The following GLIS3 variants were observed in gnomAD, a reference collection of about 807,000 sequenced individuals.
GLIS3 encodes GLIS family zinc finger 3.
A neutral mutation model predicts 78.6 loss-of-function variants in GLIS3; 53 were observed. That is an observed-to-expected ratio of 0.67 (90% CI 0.54 to 0.85). The LOEUF (loss-of-function observed/expected upper bound fraction) is 0.85. GLIS3 is among the 40% of genes least tolerant of loss of function. The pLI, the probability that GLIS3 is intolerant of heterozygous loss-of-function variation, is 0.00. For synonymous variants in GLIS3, 684 were observed against 509.9 expected (o/e 1.34, Z -4.60); for missense variants, 1,703 against 1,231.1 (o/e 1.38, Z -5.74).
At chr9:3,946,101 C>T (rs1194089046) in intron 4 of GLIS3, among the ~76,000 whole-genome samples, 1 of 152,238 alleles carries the variant, frequency 6.6e-6, no homozygotes, top group African/African-American at 2.4e-5. Flanking sequence ...TGGAAGCCTT[C>T]CTTTAGGCTT....
At chr9:4,169,562 G>A (rs992562696) in intron 2 of GLIS3, among the ~76,000 whole-genome samples, 2 of 152,290 alleles carry the variant, frequency 1.3e-5, no homozygotes, top group Middle Eastern at 3.4e-3. Context: ...ACTCTCTAAG[G>A]TCTGTATATT....
At chr9:4,136,399 G>A (rs1472244592) in intron 2 of GLIS3, among the ~76,000 whole-genome samples, 1 of 152,178 alleles carries the variant, frequency 6.6e-6, no homozygotes, top group African/African-American at 2.4e-5. Context: ...TGACAATGAA[G>A]TTGGCCTCAT....
At position 3,881,797 on chromosome 9, in the gene GLIS3, G is replaced by A. The variant is rs537861581; in HGVS notation, c.2129-2202C>T. ...TGGGGAAACTGTAATTTAATGAAGG[G>A]AGCAGACCTCTATATATCGATTTTA... On this transcript the variant is annotated intron_variant, in intron 7 of 10. Coordinates refer to ENST00000381971, the MANE Select transcript of GLIS3 (RefSeq NM_001042413.2). 1.8e-3 allele frequency among the ~76,000 whole-genome samples: 280 copies of A among 152,248 alleles called. 1 individual carries two copies. Among genetic ancestry groups the A allele is most frequent in the African/African-American group, 6.4e-3 (267 of 41,532 alleles).
Position 4,118,072 on chromosome 9 carries a change from T to C in GLIS3, c.1406A>G (p.His469Arg). Residue 469 changes from histidine (H) to arginine (R), a missense_variant, in exon 4 of 11, where the codon CAC (histidine) becomes CGC (arginine). Coordinates refer to ENST00000381971, the MANE Select transcript of GLIS3 (RefSeq NM_001042413.2). The surrounding 1 kb of genome is among the most constrained non-coding windows in gnomAD (Gnocchi z 4.7). ...GGCGTGGGGCCCGAGCTCCGGGTGG[T>C]GAAGGTGCGCATGGGCATGGTAAGG... is the stretch of plus-strand genomic sequence containing the variant. ...PPPYHAHAHL[H>R]HPELGPHAQQ... is the part of the protein sequence containing the mutation. The C allele has an allele frequency of 2.0e-6, 3 of 1,522,020 alleles. No homozygotes were observed. Among genetic ancestry groups the C allele is most frequent in the South Asian group, 1.3e-5 (1 of 77,948 alleles). The allele number at this position is 1,522,020 out of a possible 1,614,324, so 94.3% of individuals were successfully genotyped here.
At chr9:4,353,546 G>T in the GLIS3 span, among the ~76,000 whole-genome samples, 1 of 152,130 alleles carries the variant, frequency 6.6e-6, no homozygotes, top group African/African-American at 2.4e-5. Context: ...ATGTGTACTT[G>T]TGTGTTGACA....
intron 2 of GLIS3, among the ~76,000 whole-genome samples, chr9:4,327,993 C>T (rs1184384210): frequency 6.6e-6 from 1 of 152,194 alleles, no homozygotes; most frequent in Non-Finnish European, 1.5e-5. Context: ...CAAAAGCCTC[C>T]ACATGCACGT....
At chr9:4,473,436 A>G in the GLIS3 span, among the ~76,000 whole-genome samples, 206 of 127,110 alleles carry the variant, frequency 1.6e-3, 3 homozygotes, top group East Asian at 9.2e-3. Context: ...ACAGGGCGAG[A>G]CTCCATCTCA....
intron 6 of GLIS3, among the ~76,000 whole-genome samples, chr9:3,903,997 G>A (rs928822801): frequency 3.9e-5 from 6 of 152,116 alleles, no homozygotes; most frequent in Non-Finnish European, 5.9e-5. Flanking sequence ...TCCCCAATAA[G>A]TCTCTTAGTC....
chr9:4,385,757 GAA>G, the GLIS3 span, among the ~76,000 whole-genome samples: 3 of 24,096 alleles, frequency 1.2e-4, 1 homozygote, highest in Non-Finnish European at 2.5e-4. Flanking sequence ...AAGAAAGAAA[GAA>G]AGAAAGAAAG....
intron 4 of GLIS3, among the ~76,000 whole-genome samples, chr9:3,963,024 A>C (rs1817683262): frequency 6.6e-6 from 1 of 151,774 alleles, no homozygotes; most frequent in Non-Finnish European, 1.5e-5. Context: ...AATAACTGGA[A>C]TTTGACAAAA....
At chr9:4,156,171 T>G (rs1416680972) in intron 2 of GLIS3, among the ~76,000 whole-genome samples, 1 of 152,096 alleles carries the variant, frequency 6.6e-6, no homozygotes, top group Non-Finnish European at 1.5e-5. Flanking sequence ...CCCTGAAGCC[T>G]TCCTTCACTC....
At chr9:3,945,655 C>G (rs1223045908) in intron 4 of GLIS3, among the ~76,000 whole-genome samples, 1 of 152,012 alleles carries the variant, frequency 6.6e-6, no homozygotes, top group Admixed American at 6.6e-5. Context: ...TTCATTCTTT[C>G]GATTTTAGGC....
At chr9:4,298,828 G>A (rs941630106) in intron 1 of GLIS3, among the ~76,000 whole-genome samples, 1 of 152,250 alleles carries the variant, frequency 6.6e-6, no homozygotes, top group Non-Finnish European at 1.5e-5. Flanking sequence ...GGTACCCTCA[G>A]CCCGACCACC....
At chr9:4,340,974 G>C (rs1817826414) in intron 2 of GLIS3, among the ~76,000 whole-genome samples, 1 of 152,162 alleles carries the variant, frequency 6.6e-6, no homozygotes, top group Non-Finnish European at 1.5e-5. Context: ...ACCGTGCCTG[G>C]CCTCACCTGA....
At chr9:4,232,119 T>C (rs1367408566) in intron 2 of GLIS3, among the ~76,000 whole-genome samples, 1 of 151,990 alleles carries the variant, frequency 6.6e-6, no homozygotes, top group African/African-American at 2.4e-5. Flanking sequence ...GACGCACACC[T>C]GTAATGCCAG....
chr9:4,350,866 C>G (rs997989818), upstream of GLIS3, among the ~76,000 whole-genome samples: 1 of 152,092 alleles, frequency 6.6e-6, no homozygotes, highest in Non-Finnish European at 1.5e-5. Flanking sequence ...AGGACTTTCC[C>G]TAGTACCACT....
chr9:4,308,904 C>T (rs1000458602), exon 4 of GLIS3: 2 of 152,204 alleles, frequency 1.3e-5, no homozygotes, highest in Non-Finnish European at 2.9e-5. Context: ...TTAGTCCTGG[C>T]TCCACATTTA....
upstream of GLIS3, among the ~76,000 whole-genome samples, chr9:4,300,208 T>A (rs1188080689): frequency 7.0e-6 from 1 of 142,954 alleles, no homozygotes; most frequent in African/African-American, 2.7e-5. Context: ...CTTGACGCAT[T>A]CACACACACA....
chr9:4,159,655 G>A (rs554106071), intron 2 of GLIS3, among the ~76,000 whole-genome samples: 110 of 152,038 alleles, frequency 7.2e-4, no homozygotes, highest in African/African-American at 2.6e-3. Flanking sequence ...GGAGGCAGAG[G>A]TTGCAGTGAG....
Sources: gnomAD v4.1 joint callset for allele counts (sites outside exome capture counted in the v4.1 genomes callset) on GRCh38, gnomAD v4.1.1 for gene constraint, Gnocchi (gnomAD v3.1) non-coding constraint, MANE v1.5 for transcripts, NCBI Gene and HGNC (gene_info 2026-07-23, HGNC 2026-07-21) for gene names.